Variants in PTK7 observed in about 807,000 individuals in gnomAD.
The protein encoded by PTK7 is inactive tyrosine-protein kinase 7.
In PTK7, 39 loss-of-function variants were observed where a neutral mutation model predicts 116.6. The observed-to-expected ratio is 0.33, with a 90% confidence interval of 0.26 to 0.44. The LOEUF is 0.44. Among genes scored for constraint, PTK7 ranks in the 20% least tolerant of loss-of-function variants. PTK7 has a pLI of 1.00. For missense variants in PTK7, 1,169 were observed against 1,425.6 expected, an observed-to-expected ratio of 0.82 and a Z score of 2.90; for synonymous variants, 546 against 563.6, an observed-to-expected ratio of 0.97 and a Z score of 0.44.
chr6:43,107,511 A>C (rs999878613), intron 1 of PTK7, among the ~76,000 whole-genome samples: 5 of 152,208 alleles, frequency 3.3e-5, no homozygotes, highest in African/African-American at 1.2e-4. Context: ...ATATGGTTAA[A>C]TGTTTGGAAC....
chr6:43,152,055 G>A (rs1771143171), intron 17 of PTK7, among the ~76,000 whole-genome samples: 2 of 151,044 alleles, frequency 1.3e-5, no homozygotes, highest in African/African-American at 4.9e-5. Context: ...CATCATGTTA[G>A]CCAGGATGGT....
intron 5 of PTK7, 23 bp from the exon 6 acceptor site, chr6:43,131,993 A>G (rs1303640927): frequency 1.2e-6 from 2 of 1,613,342 alleles, no homozygotes; most frequent in African/African-American, 2.7e-5. Context: ...CACTTTCTCC[A>G]AATTGCACTC....
chr6:43,076,952 G>A lies in PTK7; in HGVS notation c.79+385G>A. 1.3e-6 allele frequency: 2 copies of A among 1,513,870 alleles called. No homozygotes were observed. The highest frequency in any genetic ancestry group is 2.8e-5 in the African/African-American group (2 of 72,374). The allele number at this position is 1,513,870 out of a possible 1,614,324, so 93.8% of individuals were successfully genotyped here. A position where few individuals can be genotyped will look rare whatever the true frequency, so the allele number is the denominator to read the frequency against. ...CCGTGGGGAGCGCGATGGAGAAAAA[G>A]GAATTCCCCACCCCACCCGGCAGGG... On this transcript the variant is annotated intron_variant, in intron 1 of 19. Transcript: ENST00000230419. The surrounding 1 kb of genome is among the most constrained non-coding windows in gnomAD (Gnocchi z 5.7).
chr6:43,150,456 CCT>C (rs973400411), intron 17 of PTK7, among the ~76,000 whole-genome samples: 4 of 152,188 alleles, frequency 2.6e-5, no homozygotes, highest in Non-Finnish European at 5.9e-5. Flanking sequence ...GGAAGCACCA[CCT>C]CTCTGGAAAG....
chr6:43,143,175 G>T lies in PTK7; in HGVS notation c.2048-242G>T. On this transcript the variant is annotated intron_variant, in intron 13 of 19. Coordinates refer to ENST00000230419, the MANE Select transcript of PTK7 (RefSeq NM_002821.5). The surrounding 1 kb of genome is among the most constrained non-coding windows in gnomAD (Gnocchi z 4.2). ...CTTGACAGGTGTGCTTATCCGTGTC[G>T]CCTGTCTTGGCTTCCGATGCAAAGC... is the stretch of plus-strand genomic sequence containing the variant. The T allele has an allele frequency of 2.0e-6, 1 of 489,476 alleles. No individual in the cohort carries two copies. The allele number at this position is 489,476 out of a possible 1,614,324, so 30.3% of individuals were successfully genotyped here.
intron 17 of PTK7, among the ~76,000 whole-genome samples, chr6:43,151,697 C>T (rs1771103286): frequency 6.7e-6 from 1 of 149,146 alleles, no homozygotes; most frequent in Non-Finnish European, 1.5e-5. Flanking sequence ...CCACCATGCC[C>T]GGCTAATTTT....
chr6:43,137,614 A>G (rs1383620691), intron 7 of PTK7, among the ~76,000 whole-genome samples: 1 of 152,228 alleles, frequency 6.6e-6, no homozygotes, highest in Non-Finnish European at 1.5e-5. Flanking sequence ...TTCATGTTGT[A>G]TTGAAGGTTG....
intron 1 of PTK7, among the ~76,000 whole-genome samples, chr6:43,106,483 T>C (rs1767893943): frequency 6.6e-6 from 1 of 151,802 alleles, no homozygotes; most frequent in African/African-American, 2.4e-5. Context: ...AATGGGGTCT[T>C]ACTGTGTTGC....
Position 43,132,520 on chromosome 6 carries a change from T to C in PTK7, c.1061T>C (p.Val354Ala). 6.2e-7 allele frequency: 1 copy of C among 1,612,834 alleles called. No homozygotes were observed. Among genetic ancestry groups the C allele is most frequent in the Non-Finnish European group, 8.5e-7 (1 of 1,179,210 alleles). ...CCCAAGGGTCTGCCAGAGCCCAGCG[T>C]GTGGTGGGAGCACGCGGGAGTCCGG... ...LPPKGLPEPS[V>A]WWEHAGVRLP... is the part of the protein sequence containing the mutation. Residue 354 changes from valine (V) to alanine (A), a missense_variant, in exon 7 of 20, where the codon GTG becomes GCG. Val to Ala is a moderately conservative substitution (Grantham distance 64, BLOSUM62 0). Coordinates refer to ENST00000230419, the MANE Select transcript of PTK7 (RefSeq NM_002821.5).
chr6:43,118,739 ATGTGTGTGTATGTG>A (rs1440051654), intron 1 of PTK7, among the ~76,000 whole-genome samples: 4 of 123,478 alleles, frequency 3.2e-5, no homozygotes, highest in East Asian at 2.6e-4. Flanking sequence ...ATATGTATAT[ATGTGTGTGTATGTG>A]TGTGTGTGTG....
chr6:43,077,124 C>A, intron 1 of PTK7: 1 of 1,014,470 alleles, frequency 9.9e-7, no homozygotes, highest in Non-Finnish European at 1.3e-6. Flanking sequence ...CCCAGATGGC[C>A]CTGCGGGTGA....
chr6:43,096,038 C>CATATTTGT (rs2150383935), intron 1 of PTK7, among the ~76,000 whole-genome samples: 1 of 152,314 alleles, frequency 6.6e-6, no homozygotes, highest in Non-Finnish European at 1.5e-5. Context: ...CCTCCGATTC[C>CATATTTGT]ATATTTGTAT....
At chr6:43,107,672 A>C (rs1439738846) in intron 1 of PTK7, among the ~76,000 whole-genome samples, 1 of 152,210 alleles carries the variant, frequency 6.6e-6, no homozygotes, top group Non-Finnish European at 1.5e-5. Flanking sequence ...GGTAGGCTCT[A>C]AGTAAATGAT....
intron 1 of PTK7, among the ~76,000 whole-genome samples, chr6:43,101,985 C>G (rs1037728407): frequency 2.6e-5 from 4 of 151,996 alleles, no homozygotes; most frequent in African/African-American, 7.3e-5. Flanking sequence ...CATCTGAGGT[C>G]AGGAGTTTGA....
At chr6:43,099,542 A>C (rs528138717) in intron 1 of PTK7, among the ~76,000 whole-genome samples, 150 of 152,266 alleles carry the variant, frequency 9.9e-4, no homozygotes, top group African/African-American at 3.4e-3. Flanking sequence ...TCTTGAGTAC[A>C]TTCTAGGTAC....
chr6:43,130,507 C>G lies in PTK7; in HGVS notation c.662-4C>G, dbSNP rs748504222. The G allele has an allele frequency of 6.2e-7, 1 of 1,613,510 alleles. No homozygotes were observed. The highest frequency in any genetic ancestry group is 2.2e-5 in the East Asian group (1 of 44,874). The stretch of plus-strand genomic sequence containing the variant: ...TGCATGCTCCCCCATCTTTCCCTCT[C>G]CAGATGAAAGCTTTGCCAGGGTGGT... On this transcript the variant is annotated splice_region_variant and splice_polypyrimidine_tract_variant and intron_variant, in intron 4 of 19. Coordinates refer to ENST00000230419, the MANE Select transcript of PTK7 (RefSeq NM_002821.5).
At chr6:43,113,109 C>T (rs1768281690) in intron 1 of PTK7, among the ~76,000 whole-genome samples, 1 of 152,124 alleles carries the variant, frequency 6.6e-6, no homozygotes, top group African/African-American at 2.4e-5. Flanking sequence ...CTCTTCAGAA[C>T]AGTATTGCCC....
chr6:43,144,692 G>C, intron 15 of PTK7, 86 bp downstream of exon 15: 1 of 1,475,432 alleles, frequency 6.8e-7, no homozygotes, highest in Non-Finnish European at 9.1e-7. Context: ...GTGTTCTGAA[G>C]TCCCTGAAAC....
intron 1 of PTK7, among the ~76,000 whole-genome samples, chr6:43,110,987 A>C (rs1768164802): frequency 6.6e-6 from 1 of 152,188 alleles, no homozygotes; most frequent in African/African-American, 2.4e-5. Context: ...TTCACCTAAT[A>C]ACTGTTTGTG....
Sources: gnomAD v4.1 joint callset for allele counts (sites outside exome capture counted in the v4.1 genomes callset) on GRCh38, gnomAD v4.1.1 for gene constraint, Gnocchi (gnomAD v3.1) non-coding constraint, MANE v1.5 for transcripts, NCBI Gene and HGNC (gene_info 2026-07-23, HGNC 2026-07-21) for gene names.